The following LOX variants were observed in gnomAD, a reference collection of about 807,000 sequenced individuals.
The protein encoded by LOX is lysyl oxidase, also known as protein-lysine 6-oxidase.
LOX carries 12 observed loss-of-function variants against 50.5 expected under a neutral mutation model. That is an observed-to-expected ratio of 0.24 (90% CI 0.15 to 0.38). The LOEUF (loss-of-function observed/expected upper bound fraction) is 0.38. Among genes scored for constraint, LOX ranks in the 10% least tolerant of loss-of-function variants. The probability of loss-of-function intolerance (pLI) is 1.00; values close to 1 mark genes in which losing one functional copy is unlikely to be tolerated. For missense variants in LOX, 504 were observed against 563.8 expected (o/e 0.89, Z 1.07); for synonymous variants, 254 against 230.6 (o/e 1.10, Z -0.92).
intron 6 of LOX, among the ~76,000 whole-genome samples, chr5:122,068,869 G>GA (rs1384331347): frequency 6.6e-6 from 1 of 151,978 alleles, no homozygotes; most frequent in Non-Finnish European, 1.5e-5. Context: ...TAAAAATTAA[G>GA]AAAAAACTAA....
chr5:122,075,567 A>C (rs1207157954), intron 2 of LOX, 26 bp from the exon 3 acceptor site: 2 of 1,482,788 alleles, frequency 1.3e-6, no homozygotes, highest in Non-Finnish European at 1.8e-6. Flanking sequence ...AAGAAAAATT[A>C]TTATATTCAT....
At chr5:122,074,224 G>A (rs1754547466) in intron 3 of LOX, 55 bp from the exon 4 acceptor site, 3 of 1,485,386 alleles carry the variant, frequency 2.0e-6, no homozygotes, top group Non-Finnish European at 9.3e-7. Flanking sequence ...AGAAAGCAAT[G>A]AAGATATTAA....
Position 122,077,282 on chromosome 5 carries a change from G to A in LOX, c.631+73C>T. ...GAGGACCGGGGCCCGCCGCGCCCAG[G>A]CAGCCACGTCGAGAAGCCACATAGC... On this transcript the variant is annotated intron_variant, in intron 1 of 6. Transcript: ENST00000231004. This position sits in a 1 kb window ranked among gnomAD's most constrained non-coding sequence, Gnocchi z 4.9. 6.3e-7 allele frequency: 1 copy of A among 1,594,270 alleles called. No individual in the cohort carries two copies. Among genetic ancestry groups the A allele is most frequent in the Non-Finnish European group, 8.5e-7 (1 of 1,170,682 alleles).
In LOX at chr5:122,066,809, AACAG is replaced by A. The variant is rs1369013856; in HGVS notation, c.1248-64_1248-61del. On this transcript the variant is annotated intron_variant, in intron 6 of 6. Transcript: ENST00000231004. The stretch of plus-strand genomic sequence containing the variant: ...ACCTGATAATATAATGAATGAGTAC[AACAG>A]ACAAATTTAAAGTCAACCTTTTAAA... 1.3e-5 allele frequency: 14 copies of A among 1,048,982 alleles called. No individual in the cohort carries two copies. In the Admixed American group the frequency reaches 2.6e-4, roughly 20 times the overall value. The allele number at this position is 1,048,982 out of a possible 1,614,324, so 65.0% of individuals were successfully genotyped here.
chr5:122,076,381 A>C (rs1401350808), intron 2 of LOX, among the ~76,000 whole-genome samples: 1 of 152,182 alleles, frequency 6.6e-6, no homozygotes, highest in Admixed American at 6.5e-5. Context: ...TAGTGGAAAA[A>C]CAAAGCTCTT....
rs763804503 is a variant in LOX, at chr5:122,074,009, A to T, written c.1035+4T>A. ...AGGTTCTGGATTTCAGGGTGCCAAC[A>T]TACCTGTGTGTGTGCAGTACATGCA... On this transcript the variant is annotated splice_donor_region_variant and intron_variant, in intron 4 of 6. Coordinates refer to ENST00000231004, the MANE Select transcript of LOX (RefSeq NM_002317.7). The T allele has an allele frequency of 2.0e-5, 33 of 1,610,692 alleles. No individual in the cohort carries two copies. Among genetic ancestry groups the T allele is most frequent in the Non-Finnish European group, 2.7e-5 (32 of 1,177,484 alleles).
intron 2 of LOX, 52 bp downstream of exon 2, chr5:122,076,841 C>G: frequency 6.6e-7 from 1 of 1,506,902 alleles, no homozygotes; most frequent in Middle Eastern, 1.7e-4. Context: ...GGCACCAGAG[C>G]GCCCCCTGAA....
In LOX at chr5:122,077,386, C is replaced by A. The variant is rs922851414; in HGVS notation, c.600G>T (p.Arg200=). The A allele has an allele frequency of 1.1e-5, 17 of 1,613,984 alleles. No individual in the cohort carries two copies. Among genetic ancestry groups the A allele is most frequent in the Non-Finnish European group, 1.4e-5 (17 of 1,179,994 alleles). Residue 200 remains arginine, a synonymous_variant, in exon 1 of 7, where the codon CGG becomes CGT. Transcript: ENST00000231004. This position sits in a 1 kb window ranked among gnomAD's most constrained non-coding sequence, Gnocchi z 4.9. ...YERPRPGGRY[R]PGYGTGYFQY... ...GGAAGTAGCCAGTGCCGTATCCGGG[C>A]CGGTACCTGCCCCCAGGTCTGGGCC...
intron 6 of LOX, among the ~76,000 whole-genome samples, chr5:122,068,882 T>A (rs527551378): frequency 6.6e-6 from 1 of 152,188 alleles, no homozygotes; most frequent in East Asian, 1.9e-4. Context: ...AAAACTAATC[T>A]GTTTATTTAA....
Position 122,078,047 on chromosome 5 carries a change from G to C in LOX, c.-62C>G. The C allele has an allele frequency of 2.9e-6, 4 of 1,396,708 alleles. No homozygotes were observed. The highest frequency in any genetic ancestry group is 3.7e-6 in the Non-Finnish European group (4 of 1,070,314). The allele number at this position is 1,396,708 out of a possible 1,614,324, so 86.5% of individuals were successfully genotyped here. ...CGTGGCTCACAGAAAATAAAAACGG[G>C]GCTCAAATCACGTGAGGGAAGGAGA... On this transcript the variant is annotated 5_prime_UTR_variant, in exon 1 of 7. Coordinates refer to ENST00000231004, the MANE Select transcript of LOX (RefSeq NM_002317.7).
chr5:122,066,528 T>C lies in LOX; in HGVS notation c.*215A>G. The C allele has an allele frequency of 2.1e-6, 1 of 480,564 alleles. No individual in the cohort carries two copies. Among genetic ancestry groups the C allele is most frequent in the Admixed American group, 3.4e-5 (1 of 29,300 alleles). The allele number at this position is 480,564 out of a possible 1,614,324, so 29.8% of individuals were successfully genotyped here. A position where few individuals can be genotyped will look rare whatever the true frequency, so the allele number is the denominator to read the frequency against. Reference sequence around the variant, plus strand: ...CACTGTGTTAATTCACAAAGTGATGTAAATAATAAACATTAAAAATTTCCC... The same window carrying C: ...CACTGTGTTAATTCACAAAGTGATGCAAATAATAAACATTAAAAATTTCCC... On this transcript the variant is annotated 3_prime_UTR_variant, in exon 7 of 7. Transcript: ENST00000231004.
At position 122,070,554 on chromosome 5, in the gene LOX, T is replaced by C; in HGVS notation, c.1071A>G (p.Ala357=). 4 of 1,608,702 alleles carry C rather than the reference T, an allele frequency of 2.5e-6. No individual in the cohort carries two copies. The highest frequency in any genetic ancestry group is 3.4e-6 in the Non-Finnish European group (4 of 1,176,268). ...LSPGCYDTYG[A]DIDCQWIDIT... ...TATCAATCCACTGGCAGTCTATGTCTGCACCATAGGTATCATAACAGCCAG... is the reference window on the plus strand; with the variant it reads ...TATCAATCCACTGGCAGTCTATGTCCGCACCATAGGTATCATAACAGCCAG... Residue 357 remains alanine, a synonymous_variant, in exon 5 of 7, where the codon GCA becomes GCG. Transcript: ENST00000231004.
chr5:122,066,348 C>A lies in LOX; in HGVS notation c.*395G>T. ...ATATAAACCCATTATTATTATGTTT[C>A]ACTAAAGTTCCAGCACTTTAGAAAA... On this transcript the variant is annotated 3_prime_UTR_variant, in exon 7 of 7. Transcript: ENST00000231004. 5.6e-6 allele frequency: 1 copy of A among 178,314 alleles called. No homozygotes were observed. The highest frequency in any genetic ancestry group is 1.2e-5 in the Non-Finnish European group (1 of 84,516). 11.0% of individuals were successfully genotyped at this position (178,314 alleles called of 1,614,324 possible). A position where few individuals can be genotyped will look rare whatever the true frequency, so the allele number is the denominator to read the frequency against.
intron 5 of LOX, 91 bp from the exon 6 acceptor site, chr5:122,070,259 G>A: frequency 1.3e-6 from 1 of 791,548 alleles, no homozygotes; most frequent in South Asian, 1.5e-5. Context: ...ATCAAGCAGG[G>A]AAGGGATTTT....
intron 4 of LOX, among the ~76,000 whole-genome samples, chr5:122,071,859 G>A (rs998153296): frequency 2.6e-5 from 4 of 152,090 alleles, no homozygotes; most frequent in African/African-American, 9.7e-5. Context: ...GAAGAGCAGG[G>A]GAGAATTGTG....
Position 122,077,886 on chromosome 5 carries a change from C to T in LOX, c.100G>A (p.Glu34Lys), listed in dbSNP as rs777431502. ...CAGGCGCCCGGAGCCGCCGGCGGCT[C>T]GCGCGGGGGCTGCTGTTGGCCGGCG... ...PAAGQQQPPR[E>K]PPAAPGAWRQ... is the part of the protein sequence containing the mutation. The change falls in exon 1 of 7, where the codon GAG becomes AAG. Residue 34 changes from glutamate (E) to lysine (K), a missense_variant. By Grantham distance (56) the Glu-to-Lys change is moderately conservative (BLOSUM62 1). Around this residue, in one of 2 missense-constraint regions of LOX, gnomAD observed 398 missense variants for 365.8 expected, o/e 1.09. Transcript: ENST00000231004. The surrounding 1 kb of genome is among the most constrained non-coding windows in gnomAD (Gnocchi z 4.9). 1 of 1,531,322 alleles carries T rather than the reference C, an allele frequency of 6.5e-7. No homozygotes were observed. Among genetic ancestry groups the T allele is most frequent in the East Asian group, 2.5e-5 (1 of 39,384 alleles). The allele number at this position is 1,531,322 out of a possible 1,614,324, so 94.9% of individuals were successfully genotyped here. A position where few individuals can be genotyped will look rare whatever the true frequency, so the allele number is the denominator to read the frequency against.
intron 6 of LOX, among the ~76,000 whole-genome samples, chr5:122,069,610 C>T (rs1279005628): frequency 6.6e-6 from 1 of 152,050 alleles, no homozygotes; most frequent in Non-Finnish European, 1.5e-5. Context: ...TTTGTACAGA[C>T]CAGAGGGGGC....
chr5:122,070,030 T>C, intron 6 of LOX, 23 bp downstream of exon 6: 1 of 1,506,088 alleles, frequency 6.6e-7, no homozygotes, highest in East Asian at 2.3e-5. Context: ...CAACAATTAC[T>C]TAGCTAAGCA....
rs1389904734 is a variant in LOX at position 122,069,844 on chromosome 5, T to C, written c.1247+209A>G. ...TTATGTCTTCTCCTGAAAACTAAGC[T>C]TCTCCTGAAAACTAAAAACCTTAGT... On this transcript the variant is annotated intron_variant, in intron 6 of 6. Transcript: ENST00000231004. 3 of 556,754 alleles carry C rather than the reference T, an allele frequency of 5.4e-6. No individual in the cohort carries two copies. The East Asian group carries it at 1.2e-4, about 22-fold the overall frequency. 34.5% of individuals were successfully genotyped at this position (556,754 alleles called of 1,614,324 possible).
Sources: allele counts gnomAD v4.1 joint callset (sites outside exome capture counted in the v4.1 genomes callset), GRCh38; gene constraint gnomAD v4.1.1; regional missense constraint gnomAD v4.1.1; non-coding constraint Gnocchi (gnomAD v3.1); transcripts MANE v1.5; gene names NCBI Gene and HGNC (gene_info 2026-07-23, HGNC 2026-07-21).